The following VCL variants were observed in gnomAD, a reference collection of about 807,000 sequenced individuals.
The protein encoded by VCL is epididymis luminal protein 114.
Under a neutral mutation model 125.7 loss-of-function variants are expected in VCL, and 47 were observed. The observed-to-expected ratio is 0.37, with a 90% CI of 0.30 to 0.48. The LOEUF (loss-of-function observed/expected upper bound fraction) is 0.48. Among genes scored for constraint, VCL ranks in the 20% least tolerant of loss-of-function variants. VCL has a pLI of 0.99. For missense variants in VCL, 1,069 were observed against 1,455.5 expected (o/e 0.73, Z 4.32); for synonymous variants, 458 against 514.6 (o/e 0.89, Z 1.49).
At chr10:74,065,759 A>G (rs1174982162) in intron 2 of VCL, among the ~76,000 whole-genome samples, 1 of 152,048 alleles carries the variant, frequency 6.6e-6, no homozygotes, top group Non-Finnish European at 1.5e-5. Flanking sequence ...TTGGCATATT[A>G]AAAGTTCAGA....
intron 1 of VCL, among the ~76,000 whole-genome samples, chr10:74,001,081 A>C (rs1840215835): frequency 6.6e-6 from 1 of 152,224 alleles, no homozygotes; most frequent in Non-Finnish European, 1.5e-5. Context: ...GCAGTGTAAC[A>C]TAGGCCTTAT....
At chr10:74,104,823 G>A (rs190003611) in intron 15 of VCL, 10 of 570,932 alleles carry the variant, frequency 1.8e-5, no homozygotes, top group Admixed American at 1.5e-4. Context: ...TGGCAACCAC[G>A]GTTGGTATAA....
intron 2 of VCL, among the ~76,000 whole-genome samples, chr10:74,048,119 A>T (rs1419455400): frequency 2.0e-5 from 3 of 152,222 alleles, no homozygotes; most frequent in African/African-American, 7.2e-5. Context: ...GGAGTGCAGC[A>T]GCTATGCTGT....
At chr10:74,102,949 C>T (rs1248945857) in intron 14 of VCL, among the ~76,000 whole-genome samples, 3 of 152,062 alleles carry the variant, frequency 2.0e-5, no homozygotes, top group African/African-American at 7.2e-5. Flanking sequence ...TCACTGCAAC[C>T]TCCGCCTCCG....
At chr10:74,098,037 C>T (rs1203230486) in intron 13 of VCL, among the ~76,000 whole-genome samples, 4 of 152,186 alleles carry the variant, frequency 2.6e-5, no homozygotes, top group African/African-American at 7.2e-5. Context: ...TGGCACGAGT[C>T]GGTACAGGTG....
At chr10:74,043,245 G>T in intron 2 of VCL, 92 bp downstream of exon 2, 2 of 1,161,252 alleles carry the variant, frequency 1.7e-6, no homozygotes, top group South Asian at 1.4e-5. Context: ...CTTTTTTTTG[G>T]TATAAAACTT....
Position 74,033,644 on chromosome 10 carries a change from C to T in VCL, c.169-9439C>T, listed in dbSNP as rs533650864. 5.3e-5 allele frequency among the ~76,000 whole-genome samples: 8 copies of T among 152,224 alleles called. No individual in the cohort carries two copies. In the South Asian group the frequency reaches 1.5e-3, roughly 28 times the overall value. On this transcript the variant is annotated intron_variant, in intron 1 of 21. Transcript: ENST00000211998. ...TACTTATCTGTTGGTGGTGTTGGGT[C>T]GTGATTTCATTCATTATCCATGGCT...
chr10:74,109,028 C>T lies in VCL; in HGVS notation c.2617C>T (p.Pro873Ser). The T allele has an allele frequency of 6.2e-7, 1 of 1,614,180 alleles. No individual in the cohort carries two copies. Residue 873 changes from proline to serine, a missense_variant, in exon 18 of 22, where the codon CCT becomes TCT. Around this residue, in one of 6 missense-constraint regions of VCL, gnomAD observed 28 missense variants for 65.1 expected, o/e 0.43. Transcript: ENST00000211998. ...TCTGCCTGAAGGTGAGGTCCCTCCA[C>T]CTAGGCCTCCACCACCAGAGGAAAA... ...PPLPEGEVPP[P>S]RPPPPEEKDE...
chr10:74,035,509 A>C (rs1840957603), intron 1 of VCL, among the ~76,000 whole-genome samples: 1 of 152,082 alleles, frequency 6.6e-6, no homozygotes, highest in Non-Finnish European at 1.5e-5. Context: ...TTCATTCACT[A>C]CCATTATTTC....
Position 74,083,446 on chromosome 10 carries a change from A to G in VCL, c.955A>G (p.Arg319Gly), listed in dbSNP as rs1247716012. Reference protein sequence around the residue: ...VGELCAGKERREILGTCKMLG... With the variant: ...VGELCAGKERGEILGTCKMLG... The stretch of plus-strand genomic sequence containing the variant: ...TGAACTCTGTGCAGGCAAAGAACGC[A>G]GGGAGATTCTGGGAACTTGCAAAAT... The change falls in exon 8 of 22, where the codon AGG becomes GGG. Residue 319 changes from arginine (R) to glycine (G), a missense_variant. Around this residue, in one of 6 missense-constraint regions of VCL, gnomAD observed 760 missense variants for 928.9 expected, o/e 0.82. Transcript: ENST00000211998. The G allele has an allele frequency of 6.2e-7, 1 of 1,614,142 alleles. No homozygotes were observed. Among genetic ancestry groups the G allele is most frequent in the South Asian group, 1.1e-5 (1 of 91,084 alleles).
At chr10:74,050,473 A>T (rs1359564675) in intron 2 of VCL, among the ~76,000 whole-genome samples, 1 of 152,216 alleles carries the variant, frequency 6.6e-6, no homozygotes, top group African/African-American at 2.4e-5. Flanking sequence ...AAATTTGAGA[A>T]GGATTAAAAT....
At chr10:74,107,177 G>C in intron 16 of VCL, 53 bp from the exon 17 acceptor site, 1 of 1,613,770 alleles carries the variant, frequency 6.2e-7, no homozygotes, top group Non-Finnish European at 8.5e-7. Flanking sequence ...TGCACAGACA[G>C]TGCTTTGGGG....
chr10:74,100,804 A>T, intron 13 of VCL, 144 bp from the exon 14 acceptor site: 1 of 975,038 alleles, frequency 1.0e-6, no homozygotes, highest in Non-Finnish European at 1.6e-6. Context: ...TTGGAGTTTG[A>T]CTGTTGTTTT....
intron 21 of VCL, among the ~76,000 whole-genome samples, chr10:74,117,000 G>T (rs1054545551): frequency 3.3e-5 from 5 of 152,176 alleles, no homozygotes; most frequent in Non-Finnish European, 7.3e-5. Context: ...CTGAGCTGAT[G>T]AATTGCCAAG....
At chr10:74,011,135 A>C (rs1014113440) in intron 1 of VCL, among the ~76,000 whole-genome samples, 1 of 141,936 alleles carries the variant, frequency 7.0e-6, no homozygotes, top group Non-Finnish European at 1.5e-5. Flanking sequence ...ATTGCACTCC[A>C]GCGTGGGCAA....
chr10:74,104,997 G>A (rs2131928192), intron 15 of VCL, 54 bp from the exon 16 acceptor site: 2 of 1,585,310 alleles, frequency 1.3e-6, no homozygotes, highest in East Asian at 2.3e-5. Context: ...ACAGTGTTTT[G>A]GAGTTTCTGT....
At position 74,109,139 on chromosome 10, in the gene VCL, C is replaced by G. The variant is rs375595550; in HGVS notation, c.2728C>G (p.Arg910Gly). ...TGCCAGACAGCTCCATGATGAAGCT[C>G]GCAAATGGTCCAGCAAGGTAAGTAG... ...MAARQLHDEA[R>G]KWSSKPGIPA... Residue 910 changes from arginine to glycine, a missense_variant, in exon 18 of 22, where the codon CGC becomes GGC. Coordinates refer to ENST00000211998, the MANE Select transcript of VCL (RefSeq NM_014000.3). 3.1e-6 allele frequency: 5 copies of G among 1,613,876 alleles called. No individual in the cohort carries two copies. The African/African-American group carries it at 6.7e-5, about 22-fold the overall frequency.
In VCL at chr10:74,114,405, C is replaced by G. The variant is rs1422190170; in HGVS notation, c.3153+18C>G. The G allele has an allele frequency of 1.3e-6, 2 of 1,573,372 alleles. No homozygotes were observed. Among genetic ancestry groups the G allele is most frequent in the Admixed American group, 1.7e-5 (1 of 58,142 alleles). ...TCTTACAGGTACTCGGGGAAAGAGGCTGCGTGTGTGTGTGTGTGTGTGTGT... is the reference window on the plus strand; with the variant it reads ...TCTTACAGGTACTCGGGGAAAGAGGGTGCGTGTGTGTGTGTGTGTGTGTGT... On this transcript the variant is annotated intron_variant, in intron 20 of 21. Coordinates refer to ENST00000211998, the MANE Select transcript of VCL (RefSeq NM_014000.3).
At chr10:74,015,377 A>G (rs538594382) in intron 1 of VCL, among the ~76,000 whole-genome samples, 4 of 152,044 alleles carry the variant, frequency 2.6e-5, no homozygotes, top group African/African-American at 9.6e-5. Flanking sequence ...ACATGGTGAA[A>G]CCCCATCTCT....
Sources: gnomAD v4.1 joint callset for allele counts (sites outside exome capture counted in the v4.1 genomes callset) on GRCh38, gnomAD v4.1.1 for gene constraint, gnomAD v4.1.1 regional missense constraint, MANE v1.5 for transcripts, NCBI Gene and HGNC (gene_info 2026-07-23, HGNC 2026-07-21) for gene names.